Variants in FHIT observed in about 807,000 individuals in gnomAD.
The protein encoded by FHIT is bis(5'-adenosyl)-triphosphatase.
Under a neutral mutation model 17.9 loss-of-function variants are expected in FHIT, and 19 were observed. The observed-to-expected ratio is 1.06, with a 90% confidence interval of 0.74 to 1.56. The LOEUF is 1.56. FHIT is among the 40% of genes most tolerant of loss of function. FHIT has a pLI of 0.00. For synonymous variants in FHIT, 81 were observed against 69.7 expected, an observed-to-expected ratio of 1.16 and a Z score of -0.81; for missense variants, 248 against 189.2, an observed-to-expected ratio of 1.31 and a Z score of -1.82.
At chr3:60,672,906 T>TGTGTGTGTGTGC (rs1454491586) in intron 4 of FHIT, among the ~76,000 whole-genome samples, 34 of 151,580 alleles carry the variant, frequency 2.2e-4, no homozygotes, top group East Asian at 7.7e-4. Flanking sequence ...TGTGTGTGTG[T>TGTGTGTGTGTGC]GCATGCATGC....
At chr3:59,944,305 A>G (rs1040473597) in intron 7 of FHIT, among the ~76,000 whole-genome samples, 5 of 152,174 alleles carry the variant, frequency 3.3e-5, no homozygotes, top group Non-Finnish European at 5.9e-5. Context: ...GGAGATTGGT[A>G]TAACTACCAT....
intron 5 of FHIT, among the ~76,000 whole-genome samples, chr3:60,295,390 A>T (rs1708162120): frequency 1.3e-5 from 2 of 152,128 alleles, no homozygotes; most frequent in Admixed American, 1.3e-4. Flanking sequence ...GAACCTCAGG[A>T]AGCTCCCACT....
intron 7 of FHIT, among the ~76,000 whole-genome samples, chr3:59,980,214 T>C (rs1477784828): frequency 1.3e-5 from 2 of 152,116 alleles, no homozygotes; most frequent in Non-Finnish European, 2.9e-5. Flanking sequence ...CATCACAAAT[T>C]TGGGCATTGG....
At chr3:59,905,702 A>G (rs924021267) in intron 8 of FHIT, among the ~76,000 whole-genome samples, 1 of 152,224 alleles carries the variant, frequency 6.6e-6, no homozygotes, top group Non-Finnish European at 1.5e-5. Flanking sequence ...ACAGTGAGTC[A>G]TCTTGCACTT....
Position 61,064,813 on chromosome 3 carries a change from G to A in FHIT, c.-163-22714C>T, listed in dbSNP as rs965839894. Among the ~76,000 whole-genome samples the A allele has an allele frequency of 2.0e-5, 3 of 152,138 alleles. No individual in the cohort carries two copies. In the East Asian group the frequency reaches 5.8e-4, roughly 29 times the overall value. On this transcript the variant is annotated intron_variant, in intron 2 of 9. Coordinates refer to ENST00000492590, the MANE Select transcript of FHIT (RefSeq NM_002012.4). ...CAGGCAACTGTGTATATGCTGCCTAGAGACAAAAATTCATGACCCTTGACT... is the reference window on the plus strand; with the variant it reads ...CAGGCAACTGTGTATATGCTGCCTAAAGACAAAAATTCATGACCCTTGACT...
intron 4 of FHIT, among the ~76,000 whole-genome samples, chr3:60,681,885 A>C (rs1241519479): frequency 4.6e-5 from 7 of 152,226 alleles, no homozygotes; most frequent in Non-Finnish European, 7.3e-5. Context: ...TAAAAGGCAA[A>C]GCAGGAAGTG....
chr3:60,030,939 TAAC>T (rs1464569245), intron 5 of FHIT, among the ~76,000 whole-genome samples: 3 of 152,226 alleles, frequency 2.0e-5, no homozygotes, highest in African/African-American at 7.2e-5. Flanking sequence ...ACCATAAACA[TAAC>T]ATTCTCTGGG....
At chr3:61,241,662 C>G (rs1376563658) in intron 1 of FHIT, among the ~76,000 whole-genome samples, 1 of 152,076 alleles carries the variant, frequency 6.6e-6, no homozygotes, top group Non-Finnish European at 1.5e-5. Flanking sequence ...GCAAAATATA[C>G]TGAATTTTAA....
chr3:60,069,861 T>C (rs1204213925), intron 5 of FHIT, among the ~76,000 whole-genome samples: 1 of 152,172 alleles, frequency 6.6e-6, no homozygotes, highest in Admixed American at 6.5e-5. Context: ...TCCTAAGAGA[T>C]GGGTGACTAA....
chr3:61,036,821 C>A, intron 3 of FHIT, among the ~76,000 whole-genome samples: 1 of 151,982 alleles, frequency 6.6e-6, no homozygotes, highest in Admixed American at 6.5e-5. Flanking sequence ...AGATCAATTA[C>A]CCGAGAGTTC....
At chr3:61,167,771 G>T (rs1272210) in intron 2 of FHIT, among the ~76,000 whole-genome samples, 1 of 151,992 alleles carries the variant, frequency 6.6e-6, no homozygotes, top group Non-Finnish European at 1.5e-5. Context: ...CAGGGAGAAA[G>T]AAAACAGTTA....
At chr3:60,665,662 C>G (rs1281308570) in intron 4 of FHIT, among the ~76,000 whole-genome samples, 1 of 151,930 alleles carries the variant, frequency 6.6e-6, no homozygotes, top group Non-Finnish European at 1.5e-5. Context: ...CTTAACTAAT[C>G]ATAGAATTTG....
chr3:60,384,719 A>G (rs1157186553), intron 5 of FHIT, among the ~76,000 whole-genome samples: 1 of 151,928 alleles, frequency 6.6e-6, no homozygotes, highest in Non-Finnish European at 1.5e-5. Flanking sequence ...AACAACAACA[A>G]CAACAACAAA....
intron 3 of FHIT, among the ~76,000 whole-genome samples, chr3:61,011,353 A>G (rs1174003476): frequency 1.3e-5 from 2 of 152,254 alleles, no homozygotes; most frequent in African/African-American, 2.4e-5. Context: ...GCTTGCTCTC[A>G]CATAAAAATT....
intron 5 of FHIT, among the ~76,000 whole-genome samples, chr3:60,180,137 G>C (rs551112162): frequency 6.6e-6 from 1 of 152,264 alleles, no homozygotes; most frequent in East Asian, 1.9e-4. Context: ...CTTATACAAA[G>C]ACTTGACAAA....
At chr3:60,308,518 A>G (rs62248496) in intron 5 of FHIT, among the ~76,000 whole-genome samples, 18,267 of 148,292 alleles carry the variant, frequency 0.12, 1,294 homozygotes, top group South Asian at 0.15. Context: ...ATATATATAT[A>G]TATATATATA....
chr3:60,148,998 G>T (rs1559676994), intron 5 of FHIT, among the ~76,000 whole-genome samples: 1 of 152,138 alleles, frequency 6.6e-6, no homozygotes. Flanking sequence ...ACCATCAAGA[G>T]GAGGTTCCCT....
At chr3:60,592,748 T>C (rs1447526498) in intron 4 of FHIT, among the ~76,000 whole-genome samples, 1 of 152,004 alleles carries the variant, frequency 6.6e-6, no homozygotes, top group African/African-American at 2.4e-5. Flanking sequence ...CTCTAGGCAG[T>C]TGTGCAGGCT....
At chr3:60,291,446 T>C (rs562088228) in intron 5 of FHIT, among the ~76,000 whole-genome samples, 1 of 151,910 alleles carries the variant, frequency 6.6e-6, no homozygotes, top group African/African-American at 2.4e-5. Context: ...TTACTGTACA[T>C]ATGGTAACAA....
Sources: allele counts gnomAD v4.1 joint callset (sites outside exome capture counted in the v4.1 genomes callset), GRCh38; gene constraint gnomAD v4.1.1; transcripts MANE v1.5; gene names NCBI Gene and HGNC (gene_info 2026-07-23, HGNC 2026-07-21).